Variants in SAYSD1 observed in about 807,000 individuals in gnomAD.
The protein encoded by SAYSD1 is SAYSVFN motif domain containing 1.
Under a neutral mutation model 14.5 loss-of-function variants are expected in SAYSD1, and 15 were observed. That is an observed-to-expected ratio of 1.03 (90% CI 0.69 to 1.59). SAYSD1 has a LOEUF of 1.59. Ranked by LOEUF, SAYSD1 falls within the 40% of genes most tolerant of loss-of-function variation. The probability of loss-of-function intolerance (pLI) is 0.00; values close to 1 mark genes in which losing one functional copy is unlikely to be tolerated. For synonymous variants in SAYSD1, 105 were observed against 102.6 expected (o/e 1.02, Z -0.14); for missense variants, 247 against 227.3 (o/e 1.09, Z -0.56).
chr6:39,112,960 A>T (rs1347095295), intron 1 of SAYSD1: 1 of 153,708 alleles, frequency 6.5e-6, no homozygotes, highest in African/African-American at 2.4e-5. Context: ...AAAATTTAAA[A>T]TATTTGGCTA....
chr6:39,105,601 A>G lies in SAYSD1; in HGVS notation c.383T>C (p.Leu128Pro), dbSNP rs756877962. The G allele has an allele frequency of 2.5e-6, 4 of 1,614,076 alleles. No individual in the cohort carries two copies. The African/African-American group carries it at 5.3e-5, about 22-fold the overall frequency. ...ELEFGLAYFVLSLFYWMYVGT... is the reference protein window; with the variant it reads ...ELEFGLAYFVPSLFYWMYVGT... The stretch of plus-strand genomic sequence containing the variant: ...GACGTACATCCAATAGAACAAGGAC[A>G]GGACAAAATATGCCAGGCCAAATTC... The change falls in exon 2 of 2, where the codon CTG becomes CCG. Residue 128 changes from leucine to proline, a missense_variant. Physicochemically the swap from Leu to Pro is moderately conservative, Grantham distance 98. Coordinates refer to ENST00000229903, the MANE Select transcript of SAYSD1 (RefSeq NM_018322.3).
In SAYSD1 at chr6:39,115,091, G is replaced by A. The variant is rs775403028; in HGVS notation, c.-2C>T. 2 of 1,600,592 alleles carry A rather than the reference G, an allele frequency of 1.2e-6. No individual in the cohort carries two copies. Among genetic ancestry groups the A allele is most frequent in the African/African-American group, 2.7e-5 (2 of 74,822 alleles). On this transcript the variant is annotated 5_prime_UTR_variant, in exon 1 of 2. Transcript: ENST00000229903. ...AAACTCAGCTAACCGCTGTTCCATG[G>A]CGCGCGCCTCGCGTCCGTTGGCCGA...
intron 1 of SAYSD1, chr6:39,109,245 C>T: frequency 3.5e-6 from 5 of 1,421,764 alleles, no homozygotes; most frequent in Non-Finnish European, 4.9e-6. Flanking sequence ...GGGTGGTGTG[C>T]TGGGGGCTTG....
chr6:39,112,517 A>C (rs1769647139), intron 1 of SAYSD1: 1 of 152,756 alleles, frequency 6.5e-6, no homozygotes, highest in African/African-American at 2.4e-5. Flanking sequence ...TCTGAACTAA[A>C]AGATAATAAT....
intron 1 of SAYSD1, among the ~76,000 whole-genome samples, chr6:39,108,443 A>G (rs1403904544): frequency 6.6e-6 from 1 of 151,934 alleles, no homozygotes; most frequent in Non-Finnish European, 1.5e-5. Context: ...GGGGTAAACA[A>G]ACTGACGAAG....
rs765742849 is a variant in SAYSD1 at position 39,114,883 on chromosome 6, C to G, written c.207G>C (p.Gln69His). The change falls in exon 1 of 2, where the codon CAG becomes CAC. Residue 69 changes from glutamine (Q) to histidine (H), a missense_variant and splice_region_variant. Physicochemically the swap from Gln to His is conservative, Grantham distance 24. Coordinates refer to ENST00000229903, the MANE Select transcript of SAYSD1 (RefSeq NM_018322.3). ...ASARAQPGLV[Q>H]EAAQPQGSTS... is the part of the protein sequence containing the mutation. ...AGGGCCGAAGTTTCCATCGTCTCAC[C>G]TGAACTAGGCCGGGCTGGGCCCGGG... 1.2e-6 allele frequency: 2 copies of G among 1,611,860 alleles called. No homozygotes were observed. The highest frequency in any genetic ancestry group is 2.2e-5 in the East Asian group (1 of 44,860).
intron 1 of SAYSD1, chr6:39,111,514 A>C (rs1315692700): frequency 6.6e-6 from 1 of 152,288 alleles, no homozygotes; most frequent in Non-Finnish European, 1.5e-5. Flanking sequence ...AGGAGAACAA[A>C]GAGTATGCTA....
chr6:39,106,226 A>G (rs73734046), intron 1 of SAYSD1, among the ~76,000 whole-genome samples: 3,585 of 151,238 alleles, frequency 0.024, 154 homozygotes, highest in African/African-American at 0.079. Context: ...GGAAACAAAA[A>G]TCCTTTTTAC....
intron 1 of SAYSD1, among the ~76,000 whole-genome samples, chr6:39,114,576 C>CA (rs1769696510): frequency 6.6e-6 from 1 of 152,236 alleles, no homozygotes; most frequent in African/African-American, 2.4e-5. Flanking sequence ...AGAGGTTTCC[C>CA]AATGCCACAG....
At chr6:39,109,185 G>A in intron 1 of SAYSD1, 2 of 897,830 alleles carry the variant, frequency 2.2e-6, no homozygotes, top group Admixed American at 4.1e-5. Context: ...CTGAGCCAAG[G>A]CCTGGAGGTC....
At position 39,114,929 on chromosome 6, in the gene SAYSD1, CA is replaced by C. The variant is rs777914448; in HGVS notation, c.160del (p.Trp54GlyfsTer14). Reference protein sequence around the residue: ...APGWLKRFLVWKPRPASARAQ... With the variant: ...APGWLKRFLVXKPRPASARAQ... ...CCGGGCACTCGCGGGCCTAGGTTTC[CA>C]TACCAGGAACCGCTTTAGCCAGCCT... On this transcript the variant is annotated frameshift_variant, in exon 1 of 2. Coordinates refer to ENST00000229903, the MANE Select transcript of SAYSD1 (RefSeq NM_018322.3). LOFTEE classifies it low-confidence loss of function (END_TRUNC). 11 of 1,613,604 alleles carry C rather than the reference CA, an allele frequency of 6.8e-6. No homozygotes were observed. The highest frequency in any genetic ancestry group is 9.3e-6 in the Non-Finnish European group (11 of 1,179,908).
At chr6:39,111,340 A>G (rs1769621637) in intron 1 of SAYSD1, 1 of 152,160 alleles carries the variant, frequency 6.6e-6, no homozygotes, top group African/African-American at 2.4e-5. Context: ...AAAGCTTGAA[A>G]GTGAAAATAA....
intron 1 of SAYSD1, chr6:39,109,331 T>C: frequency 2.6e-6 from 4 of 1,551,102 alleles, no homozygotes; most frequent in Non-Finnish European, 3.5e-6. Context: ...TTTGTCCTAA[T>C]GTGGAAGAAG....
In SAYSD1 at chr6:39,114,949, C is replaced by G; in HGVS notation, c.141G>C (p.Trp47Cys). 2 of 1,613,816 alleles carry G rather than the reference C, an allele frequency of 1.2e-6. No homozygotes were observed. The highest frequency in any genetic ancestry group is 8.5e-7 in the Non-Finnish European group (1 of 1,179,914). Residue 47 changes from tryptophan to cysteine, a missense_variant, in exon 1 of 2, where the codon TGG becomes TGC. Transcript: ENST00000229903. ...GTTTCCATACCAGGAACCGCTTTAG[C>G]CAGCCTGGGGCTGCCTTTAGAGTCG... ...AAATLKAAPG[W>C]LKRFLVWKPR...
At position 39,107,909 on chromosome 6, in the gene SAYSD1, G is replaced by C. The variant is rs138487569; in HGVS notation, c.208-2133C>G. Among the ~76,000 whole-genome samples the C allele has an allele frequency of 6.2e-3, 943 of 152,202 alleles. 15 individuals are homozygous for C. Among genetic ancestry groups the C allele is most frequent in the African/African-American group, 0.022 (898 of 41,508 alleles). ...TGGGAGCCAGATAAAGTAGGGCCAG[G>C]CAGGTTGCAGTGAAGATTCTGGAAA... On this transcript the variant is annotated intron_variant, in intron 1 of 1. Coordinates refer to ENST00000229903, the MANE Select transcript of SAYSD1 (RefSeq NM_018322.3).
rs1583664935 is a variant in SAYSD1, at chr6:39,105,343, C to G, written c.*89G>C. 1.8e-6 allele frequency: 2 copies of G among 1,102,660 alleles called. No individual in the cohort carries two copies. Among genetic ancestry groups the G allele is most frequent in the Non-Finnish European group, 2.7e-6 (2 of 751,454 alleles). The allele number at this position is 1,102,660 out of a possible 1,614,324, so 68.3% of individuals were successfully genotyped here. A position where few individuals can be genotyped will look rare whatever the true frequency, so the allele number is the denominator to read the frequency against. ...GTCACAGAGCTAACCCGCAAGCTGC[C>G]CTTAGTCCTATACACCTGAAATCAA... On this transcript the variant is annotated 3_prime_UTR_variant, in exon 2 of 2. Coordinates refer to ENST00000229903, the MANE Select transcript of SAYSD1 (RefSeq NM_018322.3).
chr6:39,114,930 A>G lies in SAYSD1; in HGVS notation c.160T>C (p.Trp54Arg), dbSNP rs755247106. 1.2e-6 allele frequency: 2 copies of G among 1,613,458 alleles called. No homozygotes were observed. Among genetic ancestry groups the G allele is most frequent in the African/African-American group, 1.3e-5 (1 of 74,920 alleles). ...APGWLKRFLV[W>R]KPRPASARAQ... Reference sequence around the variant, plus strand: ...CGGGCACTCGCGGGCCTAGGTTTCCATACCAGGAACCGCTTTAGCCAGCCT... The same window carrying G: ...CGGGCACTCGCGGGCCTAGGTTTCCGTACCAGGAACCGCTTTAGCCAGCCT... Residue 54 changes from tryptophan to arginine, a missense_variant, in exon 1 of 2, where the codon TGG (tryptophan) becomes CGG (arginine). By Grantham distance (101) the Trp-to-Arg change is moderately radical (BLOSUM62 -3). Transcript: ENST00000229903.
At chr6:39,114,577 A>T (rs1769696437) in intron 1 of SAYSD1, among the ~76,000 whole-genome samples, 1 of 152,262 alleles carries the variant, frequency 6.6e-6, no homozygotes, top group Admixed American at 6.5e-5. Flanking sequence ...GAGGTTTCCC[A>T]ATGCCACAGG....
intron 1 of SAYSD1, among the ~76,000 whole-genome samples, chr6:39,108,540 G>A (rs551347833): frequency 1.7e-4 from 26 of 152,154 alleles, no homozygotes; most frequent in African/African-American, 5.8e-4. Context: ...GTAAAACCTG[G>A]GTGAAGAAGT....
Sources: gnomAD v4.1 joint callset for allele counts (sites outside exome capture counted in the v4.1 genomes callset) on GRCh38, gnomAD v4.1.1 for gene constraint, MANE v1.5 for transcripts, NCBI Gene and HGNC (gene_info 2026-07-23, HGNC 2026-07-21) for gene names.